ADGRB1: variants seen among roughly 807,000 people sequenced by gnomAD.
The protein encoded by ADGRB1 is adhesion G protein-coupled receptor B1, also known as brain-specific angiogenesis inhibitor 1.
Under a neutral mutation model 175.7 loss-of-function variants are expected in ADGRB1, and 36 were observed. The observed-to-expected ratio is 0.20, with a 90% CI of 0.16 to 0.27. ADGRB1 has a LOEUF of 0.27. Ranked by LOEUF, ADGRB1 falls within the 10% of genes least tolerant of loss-of-function variation. ADGRB1 has a pLI of 1.00. For synonymous variants in ADGRB1, 1,054 were observed against 979.4 expected, an observed-to-expected ratio of 1.08 and a Z score of -1.42; for missense variants, 1,731 against 2,255.3, an observed-to-expected ratio of 0.77 and a Z score of 4.71.
In ADGRB1 at chr8:142,543,459, C is replaced by A. The variant is rs373940748; in HGVS notation, c.4449+21C>A. On this transcript the variant is annotated intron_variant, in intron 29 of 30. Transcript: ENST00000517894. This position sits in a 1 kb window ranked among gnomAD's most constrained non-coding sequence, Gnocchi z 4.4. ...TTGAGGTGAGTTCTGGTGTCCCCCC[C>A]CACCAGACACTTAGGGCCAGATGTG... is the stretch of plus-strand genomic sequence containing the variant. 7 of 1,613,498 alleles carry A rather than the reference C, an allele frequency of 4.3e-6. No homozygotes were observed. The South Asian group carries it at 4.4e-5, about 10-fold the overall frequency.
At chr8:142,466,661 T>C (rs1840292725) in intron 2 of ADGRB1, among the ~76,000 whole-genome samples, 1 of 152,240 alleles carries the variant, frequency 6.6e-6, no homozygotes, top group African/African-American at 2.4e-5. Flanking sequence ...GTGGCCTTGG[T>C]GAGGGCGGCT....
intron 2 of ADGRB1, among the ~76,000 whole-genome samples, chr8:142,470,580 G>C (rs2131734479): frequency 6.6e-6 from 1 of 152,204 alleles, no homozygotes. Context: ...TGTGGTCTGT[G>C]TGCCTGTGTG....
chr8:142,530,070 G>A (rs956186170), intron 24 of ADGRB1, among the ~76,000 whole-genome samples: 14 of 152,106 alleles, frequency 9.2e-5, no homozygotes, highest in African/African-American at 2.9e-4. Context: ...ATACATGTGA[G>A]TGTGCATCTG....
chr8:142,475,181 AG>A (rs1840885815), intron 2 of ADGRB1, among the ~76,000 whole-genome samples: 3 of 152,194 alleles, frequency 2.0e-5, no homozygotes, highest in Admixed American at 2.0e-4. Flanking sequence ...GCTCTGAGGC[AG>A]CCCTCTGGTG....
At chr8:142,503,186 G>A (rs559986789) in intron 17 of ADGRB1, among the ~76,000 whole-genome samples, 43 of 152,144 alleles carry the variant, frequency 2.8e-4, no homozygotes, top group African/African-American at 9.4e-4. Context: ...CACAGTTAAG[G>A]AACCAGAGCC....
intron 17 of ADGRB1, among the ~76,000 whole-genome samples, chr8:142,496,676 C>T (rs951683028): frequency 2.0e-5 from 3 of 152,166 alleles, no homozygotes; most frequent in African/African-American, 7.2e-5. Context: ...CCTGAAAGAT[C>T]ATGCACTCTG....
rs1317397550 is a variant in ADGRB1, at chr8:142,544,504, C to T, written c.*87C>T. ...CCGCAGACGGGCACAGACACGCTCG[C>T]GGGCAGCGGGCCAGGCCCGCACCCC... On this transcript the variant is annotated 3_prime_UTR_variant, in exon 31 of 31. Coordinates refer to ENST00000517894, the MANE Select transcript of ADGRB1 (RefSeq NM_001702.3). 5 of 1,376,198 alleles carry T rather than the reference C, an allele frequency of 3.6e-6. No homozygotes were observed. The highest frequency in any genetic ancestry group is 1.6e-5 in the South Asian group (1 of 64,348). The allele number at this position is 1,376,198 out of a possible 1,614,324, so 85.2% of individuals were successfully genotyped here.
intron 10 of ADGRB1, 74 bp from the exon 11 acceptor site, chr8:142,481,443 C>G: frequency 1.3e-6 from 2 of 1,588,040 alleles, no homozygotes; most frequent in Non-Finnish European, 1.7e-6. Context: ...GGGTCCTAGG[C>G]ATGGGAGATC....
At chr8:142,520,155 GTGGT>G (rs1843701814) in intron 19 of ADGRB1, among the ~76,000 whole-genome samples, 1 of 141,258 alleles carries the variant, frequency 7.1e-6, no homozygotes, top group African/African-American at 3.0e-5. Flanking sequence ...TGGTGTGATG[GTGGT>G]GGTAGTGGTA....
At chr8:142,522,551 G>A in intron 21 of ADGRB1, 90 bp from the exon 22 acceptor site, 1 of 1,311,336 alleles carries the variant, frequency 7.6e-7, no homozygotes, top group South Asian at 1.4e-5. Context: ...CGCCTGCCTG[G>A]CCCCCGCCCT....
At position 142,481,320 on chromosome 8, in the gene ADGRB1, T is replaced by G; in HGVS notation, c.1895T>G (p.Ile632Ser). The change falls in exon 10 of 31, where the codon ATC becomes AGC. Residue 632 changes from isoleucine (I) to serine (S), a missense_variant. Coordinates refer to ENST00000517894, the MANE Select transcript of ADGRB1 (RefSeq NM_001702.3). ...GCCTACTGGGAGCCCCCCACCTACA[T>G]CCGCTGTGTTTCCATTGACTACAGA... ...GIAYWEPPTYIRCVSIDYRNI... is the reference protein window; with the variant it reads ...GIAYWEPPTYSRCVSIDYRNI... 2 of 1,613,832 alleles carry G rather than the reference T, an allele frequency of 1.2e-6. No individual in the cohort carries two copies. The highest frequency in any genetic ancestry group is 8.5e-7 in the Non-Finnish European group (1 of 1,179,860).
intron 13 of ADGRB1, among the ~76,000 whole-genome samples, 171 bp from the exon 14 acceptor site, chr8:142,488,193 G>T (rs1274872175): frequency 6.6e-6 from 1 of 152,178 alleles, no homozygotes; most frequent in Non-Finnish European, 1.5e-5. Context: ...CCGAGGTTCT[G>T]GGGGCTGGGG....
In ADGRB1 at chr8:142,514,424, G is replaced by A. The variant is rs112935143; in HGVS notation, c.2817+3351G>A. 9.0e-3 allele frequency among the ~76,000 whole-genome samples: 1,368 copies of A among 152,280 alleles called. 23 individuals are homozygous for A. The highest frequency in any genetic ancestry group is 0.031 in the African/African-American group (1,282 of 41,540). On this transcript the variant is annotated intron_variant, in intron 18 of 30. Transcript: ENST00000517894. ...ACGACGGCCGGAAGGTTGAGTAACC[G>A]CTCTGAGTCACACCTGTGAGGCGGA...
chr8:142,479,761 G>T lies in ADGRB1; in HGVS notation c.1795G>T (p.Val599Leu), dbSNP rs773481885. ...VIWKETPAGE[V>L]AAVRCPRNAT... ...CTGGAAGGAGACCCCAGCGGGAGAG[G>T]TGGCTGCTGTCCGGTGTCCCCGCAA... Residue 599 changes from valine to leucine, a missense_variant, in exon 9 of 31, where the codon GTG becomes TTG. Around this residue, in one of 8 missense-constraint regions of ADGRB1, gnomAD observed 388 missense variants for 630.9 expected, o/e 0.61. Coordinates refer to ENST00000517894, the MANE Select transcript of ADGRB1 (RefSeq NM_001702.3). 6.2e-7 allele frequency: 1 copy of T among 1,613,286 alleles called. No individual in the cohort carries two copies. The highest frequency in any genetic ancestry group is 1.1e-5 in the South Asian group (1 of 91,054).
At chr8:142,525,679 C>T (rs900775602) in intron 23 of ADGRB1, among the ~76,000 whole-genome samples, 9 of 152,190 alleles carry the variant, frequency 5.9e-5, no homozygotes, top group Non-Finnish European at 8.8e-5. Flanking sequence ...GAGGGCTACA[C>T]GGTCTACCAC....
intron 1 of ADGRB1, among the ~76,000 whole-genome samples, chr8:142,454,374 C>G (rs1046863618): frequency 2.6e-5 from 4 of 152,200 alleles, no homozygotes; most frequent in African/African-American, 9.7e-5. Context: ...TGCCACGGCC[C>G]GAAAACCTGT....
intron 1 of ADGRB1, among the ~76,000 whole-genome samples, chr8:142,454,455 C>T (rs1839541630): frequency 6.6e-6 from 1 of 152,178 alleles, no homozygotes; most frequent in African/African-American, 2.4e-5. Context: ...GTGCACACGG[C>T]ACCCCCGCCC....
intron 23 of ADGRB1, among the ~76,000 whole-genome samples, chr8:142,526,303 C>T (rs1373420605): frequency 6.6e-6 from 1 of 152,194 alleles, no homozygotes; most frequent in Non-Finnish European, 1.5e-5. Context: ...CAAGGAGTTG[C>T]AGCAGAGGTG....
At position 142,511,013 on chromosome 8, in the gene ADGRB1, G is replaced by A; in HGVS notation, c.2757G>A (p.Thr919=). ...CRTVPLDALR[T]RCLCDRLSTF... Reference sequence around the variant, plus strand: ...CGGTGCCCCTCGACGCCCTCCGGACGCGCTGCCTCTGTGACCGGCTCTCCA... The same window carrying A: ...CGGTGCCCCTCGACGCCCTCCGGACACGCTGCCTCTGTGACCGGCTCTCCA... The change falls in exon 18 of 31, where the codon ACG becomes ACA. Residue 919 remains threonine (T), a synonymous_variant. Transcript: ENST00000517894. The surrounding 1 kb of genome is among the most constrained non-coding windows in gnomAD (Gnocchi z 4.5). 7.6e-7 allele frequency: 1 copy of A among 1,310,368 alleles called. No homozygotes were observed. Among genetic ancestry groups the A allele is most frequent in the Non-Finnish European group, 9.9e-7 (1 of 1,012,108 alleles). 81.2% of individuals were successfully genotyped at this position (1,310,368 alleles called of 1,614,324 possible).
Sources: gnomAD v4.1 joint callset for allele counts (sites outside exome capture counted in the v4.1 genomes callset) on GRCh38, gnomAD v4.1.1 for gene constraint, gnomAD v4.1.1 regional missense constraint, Gnocchi (gnomAD v3.1) non-coding constraint, MANE v1.5 for transcripts, NCBI Gene and HGNC (gene_info 2026-07-23, HGNC 2026-07-21) for gene names.